PRKCA: variants seen among roughly 807,000 people sequenced by gnomAD.
PRKCA encodes the protein protein kinase C alpha.
A neutral mutation model predicts 87.0 loss-of-function variants in PRKCA; 27 were observed. That is an observed-to-expected ratio of 0.31 (90% CI 0.23 to 0.43). PRKCA has a LOEUF of 0.43. Ranked by LOEUF, PRKCA falls within the 20% of genes least tolerant of loss-of-function variation. PRKCA has a pLI of 1.00. For missense variants in PRKCA, 518 were observed against 852.3 expected, an observed-to-expected ratio of 0.61 and a Z score of 4.88; for synonymous variants, 329 against 311.1, an observed-to-expected ratio of 1.06 and a Z score of -0.61.
At chr17:66,530,837 G>A (rs1967509634) in intron 3 of PRKCA, among the ~76,000 whole-genome samples, 1 of 151,062 alleles carries the variant, frequency 6.6e-6, no homozygotes, top group Non-Finnish European at 1.5e-5. Context: ...GGTAATATTG[G>A]GGCAAGTGGT....
chr17:66,693,879 C>G (rs1972847021), intron 8 of PRKCA, among the ~76,000 whole-genome samples: 2 of 152,110 alleles, frequency 1.3e-5, no homozygotes, highest in East Asian at 1.9e-4. Context: ...AGAATTGGCC[C>G]AAGGGCCAGT....
At chr17:66,584,370 C>T (rs914303013) in intron 3 of PRKCA, among the ~76,000 whole-genome samples, 5 of 151,904 alleles carry the variant, frequency 3.3e-5, no homozygotes, top group Admixed American at 6.6e-5. Context: ...TAGAGGTGCC[C>T]GCCACCATGC....
At chr17:66,436,781 GAAT>G (rs1315087097) in intron 2 of PRKCA, among the ~76,000 whole-genome samples, 1 of 152,150 alleles carries the variant, frequency 6.6e-6, no homozygotes, top group Non-Finnish European at 1.5e-5. Context: ...ACAGACAATG[GAAT>G]AACCAGAGAA....
intron 2 of PRKCA, among the ~76,000 whole-genome samples, chr17:66,350,619 C>T (rs918271270): frequency 3.9e-5 from 6 of 152,084 alleles, no homozygotes; most frequent in African/African-American, 1.4e-4. Flanking sequence ...ACCTCCCAGG[C>T]TTAAGCGATC....
At chr17:66,602,203 G>C (rs1163444521) in intron 3 of PRKCA, among the ~76,000 whole-genome samples, 1 of 53,844 alleles carries the variant, frequency 1.9e-5, no homozygotes, top group African/African-American at 9.0e-5. Flanking sequence ...TCAGACTGCT[G>C]TGCTAGCAAT....
chr17:66,402,809 T>A (rs776010144), intron 2 of PRKCA, among the ~76,000 whole-genome samples: 2 of 152,196 alleles, frequency 1.3e-5, no homozygotes, highest in Non-Finnish European at 2.9e-5. Flanking sequence ...TAGAAGACAC[T>A]GGAAGAGATG....
At chr17:66,533,098 G>T (rs980459275) in intron 3 of PRKCA, among the ~76,000 whole-genome samples, 3 of 152,188 alleles carry the variant, frequency 2.0e-5, no homozygotes, top group African/African-American at 7.2e-5. Flanking sequence ...AGAGCTCTTT[G>T]TGATGTACCT....
intron 3 of PRKCA, among the ~76,000 whole-genome samples, chr17:66,517,021 C>T (rs1933608078): frequency 6.6e-6 from 1 of 152,110 alleles, no homozygotes; most frequent in South Asian, 2.1e-4. Context: ...GCCGGTGGTT[C>T]ACGCCTGTAA....
At chr17:66,453,803 C>T (rs1023583600) in intron 2 of PRKCA, among the ~76,000 whole-genome samples, 6 of 152,184 alleles carry the variant, frequency 3.9e-5, no homozygotes, top group African/African-American at 7.2e-5. Flanking sequence ...GATGTAAACA[C>T]GCAGATATTT....
At chr17:66,363,019 A>G (rs1001214389) in intron 2 of PRKCA, among the ~76,000 whole-genome samples, 1 of 152,072 alleles carries the variant, frequency 6.6e-6, no homozygotes, top group Non-Finnish European at 1.5e-5. Context: ...AGGCACCTCA[A>G]TGTCTAGTTT....
At chr17:66,438,806 A>G (rs978898699) in intron 2 of PRKCA, among the ~76,000 whole-genome samples, 1 of 152,190 alleles carries the variant, frequency 6.6e-6, no homozygotes, top group Non-Finnish European at 1.5e-5. Flanking sequence ...TTATAAAACC[A>G]TCAGCTCTTG....
chr17:66,587,975 C>T (rs1306231575), intron 3 of PRKCA, among the ~76,000 whole-genome samples: 4 of 145,668 alleles, frequency 2.7e-5, no homozygotes, highest in Non-Finnish European at 6.0e-5. Flanking sequence ...TGTGAGAATT[C>T]CCCTAGGTCT....
intron 2 of PRKCA, among the ~76,000 whole-genome samples, chr17:66,309,860 T>C (rs1905007836): frequency 6.6e-6 from 1 of 152,184 alleles, no homozygotes; most frequent in African/African-American, 2.4e-5. Flanking sequence ...TGGACATTGA[T>C]GAAGTTGAGT....
chr17:66,506,541 C>G (rs1916988227), intron 3 of PRKCA, among the ~76,000 whole-genome samples: 1 of 152,128 alleles, frequency 6.6e-6, no homozygotes, highest in Non-Finnish European at 1.5e-5. Flanking sequence ...GATAACCTAA[C>G]TTGATCACCA....
At chr17:66,466,340 G>C (rs1915088076) in intron 2 of PRKCA, among the ~76,000 whole-genome samples, 3 of 152,168 alleles carry the variant, frequency 2.0e-5, no homozygotes, top group Admixed American at 2.0e-4. Context: ...AGGTGTCCCA[G>C]CTGGAAGAGT....
intron 2 of PRKCA, among the ~76,000 whole-genome samples, chr17:66,335,188 G>A (rs936722141): frequency 6.6e-6 from 1 of 152,110 alleles, no homozygotes; most frequent in Admixed American, 6.6e-5. Context: ...GACTGCAATG[G>A]TGTGATCATA....
In PRKCA at chr17:66,483,286, C is replaced by T. The variant is rs536113168; in HGVS notation, c.206-12915C>T. 2.6e-5 allele frequency among the ~76,000 whole-genome samples: 4 copies of T among 152,146 alleles called. No individual in the cohort carries two copies. In the East Asian group the frequency reaches 5.8e-4, roughly 22 times the overall value. On this transcript the variant is annotated intron_variant, in intron 2 of 16. Coordinates refer to ENST00000413366, the MANE Select transcript of PRKCA (RefSeq NM_002737.3). ...TGGCAGGGTGGGTTCCCTCAGAGAG[C>T]TGCAAGAGAGAATCTGTTCCATGAC...
At position 66,804,090 on chromosome 17, in the gene PRKCA, G is replaced by T; in HGVS notation, c.*53G>T. 3 of 1,566,414 alleles carry T rather than the reference G, an allele frequency of 1.9e-6. No individual in the cohort carries two copies. The highest frequency in any genetic ancestry group is 2.6e-6 in the Non-Finnish European group (3 of 1,151,620). ...CCAGCCCCCAGCCCTCCCCGCAGTG[G>T]GAAGTGAATCCTTAACCCTAAAATT... is the stretch of plus-strand genomic sequence containing the variant. On this transcript the variant is annotated 3_prime_UTR_variant, in exon 17 of 17. Transcript: ENST00000413366.
intron 2 of PRKCA, among the ~76,000 whole-genome samples, chr17:66,353,407 C>G (rs1454276284): frequency 6.6e-6 from 1 of 152,148 alleles, no homozygotes. Flanking sequence ...GCTTTCCCTT[C>G]CGACTTCTGT....
Sources: gnomAD v4.1 joint callset for allele counts (sites outside exome capture counted in the v4.1 genomes callset) on GRCh38, gnomAD v4.1.1 for gene constraint, MANE v1.5 for transcripts, NCBI Gene and HGNC (gene_info 2026-07-23, HGNC 2026-07-21) for gene names.